PCDHGA6: variants seen among roughly 807,000 people sequenced by gnomAD.
The protein encoded by PCDHGA6 is protocadherin gamma subfamily A, 6, also known as protocadherin gamma-A6.
PCDHGA6 carries 41 observed loss-of-function variants against 60.6 expected under a neutral mutation model. That is an observed-to-expected ratio of 0.68 (90% CI 0.53 to 0.88). The LOEUF (loss-of-function observed/expected upper bound fraction) is 0.88. PCDHGA6 is among the 40% of genes least tolerant of loss of function. The pLI, the probability that PCDHGA6 is intolerant of heterozygous loss-of-function variation, is 0.00. For missense variants in PCDHGA6, 1,312 were observed against 1,203.0 expected (o/e 1.09, Z -1.34); for synonymous variants, 594 against 524.4 (o/e 1.13, Z -1.81).
At chr5:141,392,654 A>G (rs2092571814) in intron 1 of PCDHGA6, 1 of 734,690 alleles carries the variant, frequency 1.4e-6, no homozygotes, top group Admixed American at 3.4e-5. Flanking sequence ...AGACCCGCAG[A>G]TGCCACAAAC....
rs755429700 is a variant in PCDHGA6, at chr5:141,375,609, C to T, written c.1526C>T (p.Ser509Phe). 8 of 1,614,226 alleles carry T rather than the reference C, an allele frequency of 5.0e-6. No individual in the cohort carries two copies. Among genetic ancestry groups the T allele is most frequent in the South Asian group, 3.3e-5 (3 of 91,078 alleles). ...CTGTCCTCCTACGTGTCCATCAACTCCGACACTGGGATTCTGTACGCCCTG... is the reference window on the plus strand; with the variant it reads ...CTGTCCTCCTACGTGTCCATCAACTTCGACACTGGGATTCTGTACGCCCTG... Reference protein sequence around the residue: ...APLSSYVSINSDTGILYALRS... With the variant: ...APLSSYVSINFDTGILYALRS... Residue 509 changes from serine to phenylalanine, a missense_variant, in exon 1 of 4, where the codon TCC becomes TTC. Physicochemically the swap from Ser to Phe is radical, Grantham distance 155 (BLOSUM62 -2). Coordinates refer to ENST00000517434, the MANE Select transcript of PCDHGA6 (RefSeq NM_018919.3).
Position 141,404,160 on chromosome 5 carries a change from G to A in PCDHGA6, c.2424+27653G>A, listed in dbSNP as rs1308529085. On this transcript the variant is annotated intron_variant, in intron 1 of 3. Coordinates refer to ENST00000517434, the MANE Select transcript of PCDHGA6 (RefSeq NM_018919.3). The stretch of plus-strand genomic sequence containing the variant: ...GAAAATTCAGAAGAAGATTATTACA[G>A]ATTGTTGACGGCCCAAATTCTTGAC... The A allele has an allele frequency of 3.1e-6, 5 of 1,613,054 alleles. No homozygotes were observed. In the Admixed American group the frequency reaches 6.7e-5, roughly 22 times the overall value.
chr5:141,432,665 G>A lies in PCDHGA6; in HGVS notation c.2424+56158G>A. 1 of 1,613,896 alleles carries A rather than the reference G, an allele frequency of 6.2e-7. No individual in the cohort carries two copies. Among genetic ancestry groups the A allele is most frequent in the Non-Finnish European group, 8.5e-7 (1 of 1,179,956 alleles). On this transcript the variant is annotated intron_variant, in intron 1 of 3. Coordinates refer to ENST00000517434, the MANE Select transcript of PCDHGA6 (RefSeq NM_018919.3). The surrounding 1 kb of genome is among the most constrained non-coding windows in gnomAD (Gnocchi z 6.0). ...CACGGCGCGAGCCCTGCTGGACAGA[G>A]ACGCGCTCAAGCAGAGCCTCGTAGT... is the stretch of plus-strand genomic sequence containing the variant.
At chr5:141,394,100 ACCACCTCTGT>A in intron 1 of PCDHGA6, 1 of 1,613,942 alleles carries the variant, frequency 6.2e-7, no homozygotes, top group Admixed American at 1.7e-5. Context: ...ATCTAGGAAC[ACCACCTCTGT>A]CCACTGAAAC....
chr5:141,413,881 G>C (rs774026375), intron 1 of PCDHGA6: 5 of 1,613,400 alleles, frequency 3.1e-6, no homozygotes, highest in Non-Finnish European at 4.2e-6. Context: ...CAGTGTGACT[G>C]TCTTCGATGC....
chr5:141,505,486 G>A lies in PCDHGA6; in HGVS notation c.2572+5G>A, dbSNP rs1291166546. The A allele has an allele frequency of 1.8e-5, 29 of 1,614,088 alleles. No homozygotes were observed. The highest frequency in any genetic ancestry group is 2.1e-5 in the Non-Finnish European group (25 of 1,180,018). On this transcript the variant is annotated splice_donor_5th_base_variant and intron_variant, in intron 3 of 3. Transcript: ENST00000517434. ...TGATCTTGGCGTCCGCCAGTGGTAA[G>A]TGGTGTCAGTGTGTGTATGGAAGAG...
intron 1 of PCDHGA6, among the ~76,000 whole-genome samples, chr5:141,471,744 A>G (rs2099263733): frequency 6.6e-6 from 1 of 152,208 alleles, no homozygotes; most frequent in South Asian, 2.1e-4. Context: ...GAGACATAAC[A>G]TATTTGAGGG....
At chr5:141,389,191 T>G in intron 1 of PCDHGA6, 1 of 1,614,050 alleles carries the variant, frequency 6.2e-7, no homozygotes, top group African/African-American at 1.3e-5. Context: ...AGTTCCAGCA[T>G]CACCCTGCAC....
chr5:141,423,782 C>T (rs1458189260), intron 1 of PCDHGA6: 9 of 1,243,226 alleles, frequency 7.2e-6, no homozygotes, highest in Non-Finnish European at 9.3e-6. Flanking sequence ...ATATTTAGTT[C>T]ATATATATTT....
At chr5:141,419,096 G>T in intron 1 of PCDHGA6, 9 of 1,613,918 alleles carry the variant, frequency 5.6e-6, no homozygotes, top group Non-Finnish European at 7.6e-6. Context: ...CCTGGATCGG[G>T]AGCAGACCCC....
intron 1 of PCDHGA6, chr5:141,389,438 C>A (rs781427097): frequency 6.2e-7 from 1 of 1,610,474 alleles, no homozygotes; most frequent in Non-Finnish European, 8.5e-7. Context: ...AGCGCGCCTT[C>A]GACCACGAGC....
At chr5:141,423,470 A>C (rs904433654) in intron 1 of PCDHGA6, 54 of 1,613,884 alleles carry the variant, frequency 3.3e-5, no homozygotes, top group Non-Finnish European at 4.3e-5. Context: ...GACGGGGTAC[A>C]GGCTTTCCTG....
At chr5:141,408,927 T>C (rs1220361067) in intron 1 of PCDHGA6, 5 of 1,613,512 alleles carry the variant, frequency 3.1e-6, no homozygotes, top group African/African-American at 1.3e-5. Context: ...CCCCCGGTTT[T>C]CAGCAGAGAC....
rs774487660 is a variant in PCDHGA6, at chr5:141,404,806, G to C, written c.2424+28299G>C. 6 of 1,613,874 alleles carry C rather than the reference G, an allele frequency of 3.7e-6. No individual in the cohort carries two copies. In the South Asian group the frequency reaches 5.5e-5, roughly 15 times the overall value. On this transcript the variant is annotated intron_variant, in intron 1 of 3. Transcript: ENST00000517434. ...AGGCCAGTGAGCCAGGGCTCTTCTCGGTGGGGCTGCACACAGGTGAAGTGC... is the reference window on the plus strand; with the variant it reads ...AGGCCAGTGAGCCAGGGCTCTTCTCCGTGGGGCTGCACACAGGTGAAGTGC...
intron 1 of PCDHGA6, chr5:141,395,239 T>C: frequency 6.3e-7 from 1 of 1,589,970 alleles, no homozygotes; most frequent in Non-Finnish European, 8.6e-7. Flanking sequence ...CATGGTCAGG[T>C]GAGTTTAGTT....
intron 1 of PCDHGA6, among the ~76,000 whole-genome samples, chr5:141,464,197 G>A (rs1216682352): frequency 3.3e-5 from 5 of 151,394 alleles, no homozygotes; most frequent in African/African-American, 9.7e-5. Context: ...TTCAGGAGGC[G>A]GAGATTGCAG....
intron 1 of PCDHGA6, chr5:141,421,453 T>G: frequency 1.2e-6 from 2 of 1,614,102 alleles, no homozygotes; most frequent in Middle Eastern, 1.6e-4. Context: ...GACACAGCTT[T>G]TCGCTGTGAA....
intron 1 of PCDHGA6, among the ~76,000 whole-genome samples, chr5:141,434,221 G>T (rs760622311): frequency 6.6e-6 from 1 of 152,206 alleles, no homozygotes; most frequent in Admixed American, 6.5e-5. Flanking sequence ...TGTAAACAAA[G>T]TACGATTTCT....
At chr5:141,383,916 T>C (rs1368497890) in intron 1 of PCDHGA6, 1 of 1,613,968 alleles carries the variant, frequency 6.2e-7, no homozygotes, top group Non-Finnish European at 8.5e-7. Flanking sequence ...CAGTTTTAGA[T>C]GTAAATGATA....
Sources: allele counts gnomAD v4.1 joint callset (sites outside exome capture counted in the v4.1 genomes callset), GRCh38; gene constraint gnomAD v4.1.1; non-coding constraint Gnocchi (gnomAD v3.1); transcripts MANE v1.5; gene names NCBI Gene and HGNC (gene_info 2026-07-23, HGNC 2026-07-21).